GPR107: variants seen among roughly 807,000 people sequenced by gnomAD.
GPR107 encodes protein GPR107.
GPR107 carries 31 observed loss-of-function variants against 75.5 expected under a neutral mutation model. That is an observed-to-expected ratio of 0.41 (90% CI 0.31 to 0.55). GPR107 has a LOEUF of 0.55. Ranked by LOEUF, GPR107 falls within the 20% of genes least tolerant of loss-of-function variation. GPR107 has a pLI of 0.26. For missense variants in GPR107, 572 were observed against 665.7 expected, an observed-to-expected ratio of 0.86 and a Z score of 1.55; for synonymous variants, 267 against 251.3, an observed-to-expected ratio of 1.06 and a Z score of -0.59.
intron 9 of GPR107, among the ~76,000 whole-genome samples, chr9:130,096,119 G>A (rs527407631): frequency 3.7e-4 from 56 of 152,268 alleles, no homozygotes; most frequent in African/African-American, 1.2e-3. Flanking sequence ...CTGCCCCATC[G>A]TAGATATTCT....
intron 1 of GPR107, among the ~76,000 whole-genome samples, chr9:130,073,967 G>A (rs1830277632): frequency 6.6e-6 from 1 of 152,136 alleles, no homozygotes; most frequent in African/African-American, 2.4e-5. Context: ...ATTTTGGCCA[G>A]GCTGGTCTCG....
intron 6 of GPR107, among the ~76,000 whole-genome samples, chr9:130,084,047 C>CATATATATATATATATATATACAT (rs1830554507): frequency 2.3e-5 from 3 of 130,908 alleles, no homozygotes; most frequent in Non-Finnish European, 4.8e-5. Context: ...AGAGAGCTAA[C>CATATATATATATATATATATACAT]ATATATATAT....
rs1470712600 is a variant in GPR107 at position 130,135,863 on chromosome 9, G to C, written c.*742G>C. On this transcript the variant is annotated 3_prime_UTR_variant, in exon 18 of 18. Transcript: ENST00000347136. ...TGGTTTTCTGACTGAGATGTTGCCT[G>C]ATGGATGGAAAGAAATGTATTTTTA... 6.6e-6 allele frequency: 1 copy of C among 152,248 alleles called. No individual in the cohort carries two copies. The highest frequency in any genetic ancestry group is 1.5e-5 in the Non-Finnish European group (1 of 68,080). 9.4% of individuals were successfully genotyped at this position (152,248 alleles called of 1,614,324 possible).
intron 7 of GPR107, among the ~76,000 whole-genome samples, chr9:130,088,631 G>A (rs899443522): frequency 6.6e-6 from 1 of 152,150 alleles, no homozygotes; most frequent in Non-Finnish European, 1.5e-5. Flanking sequence ...CATTATCTCA[G>A]TTAATCCTCT....
chr9:130,111,461 G>C (rs1831300748), intron 14 of GPR107, among the ~76,000 whole-genome samples: 1 of 152,154 alleles, frequency 6.6e-6, no homozygotes, highest in African/African-American at 2.4e-5. Context: ...GAGCCCAGGA[G>C]ATCAAGGCTA....
intron 13 of GPR107, among the ~76,000 whole-genome samples, chr9:130,105,650 C>G (rs571537338): frequency 6.6e-6 from 1 of 151,874 alleles, no homozygotes; most frequent in African/African-American, 2.4e-5. Flanking sequence ...TAACATGGTG[C>G]AAATGGAGAG....
At chr9:130,087,805 C>CAAAAAAAA (rs35984705) in intron 7 of GPR107, among the ~76,000 whole-genome samples, 24 of 87,624 alleles carry the variant, frequency 2.7e-4, no homozygotes, top group Non-Finnish European at 4.5e-4. Flanking sequence ...GACCCTGTCT[C>CAAAAAAAA]AAAAAAAAAA....
At chr9:130,065,628 G>A (rs1452978849) in intron 1 of GPR107, among the ~76,000 whole-genome samples, 2 of 150,202 alleles carry the variant, frequency 1.3e-5, no homozygotes, top group African/African-American at 2.5e-5. Context: ...TTAGCCCGGC[G>A]TGGTGGCAGG....
rs1831743216 is a variant in GPR107, at chr9:130,128,640, C to T, written c.1441C>T (p.Leu481Phe). Residue 481 changes from leucine to phenylalanine, a missense_variant and splice_region_variant, in exon 17 of 18, where the codon CTC becomes TTC. Coordinates refer to ENST00000347136, the MANE Select transcript of GPR107 (RefSeq NM_020960.5). Reference sequence around the variant, plus strand: ...TTTGGGGTGGTTTTTAAACTTGCAGCTCCTGGATGAAACGGCCACACTGGT... The same window carrying T: ...TTTGGGGTGGTTTTTAAACTTGCAGTTCCTGGATGAAACGGCCACACTGGT... The part of the protein sequence containing the change: ...VPFQWKWLYQ[L>F]LDETATLVFF... 3 of 1,611,292 alleles carry T rather than the reference C, an allele frequency of 1.9e-6. No homozygotes were observed. The highest frequency in any genetic ancestry group is 4.5e-5 in the East Asian group (2 of 44,864).
chr9:130,128,839 G>T (rs1318612789), intron 17 of GPR107, 78 bp downstream of exon 17: 1 of 1,314,812 alleles, frequency 7.6e-7, no homozygotes, highest in South Asian at 1.3e-5. Context: ...AATCGGGTCG[G>T]CTGCTCTCAG....
chr9:130,121,680 G>C (rs1346413075), intron 14 of GPR107, among the ~76,000 whole-genome samples: 1 of 152,174 alleles, frequency 6.6e-6, no homozygotes. Flanking sequence ...CTGCTGAGCT[G>C]TGTTCAGGCC....
At chr9:130,123,535 T>C (rs79620942) in intron 14 of GPR107, among the ~76,000 whole-genome samples, 54 of 128,574 alleles carry the variant, frequency 4.2e-4, no homozygotes, top group Admixed American at 1.0e-3. Flanking sequence ...CTTTTCTTTT[T>C]TTTTTTTTTT....
chr9:130,092,558 A>G (rs949754696), intron 9 of GPR107, among the ~76,000 whole-genome samples, 177 bp downstream of exon 9: 6 of 152,062 alleles, frequency 3.9e-5, no homozygotes, highest in Non-Finnish European at 8.8e-5. Flanking sequence ...AGCCCTTTGC[A>G]TGCCTTGGTG....
rs534213422 is a variant in GPR107 at position 130,089,513 on chromosome 9, C to A, written c.622-1363C>A. Among the ~76,000 whole-genome samples the A allele has an allele frequency of 3.9e-5, 6 of 152,316 alleles. No individual in the cohort carries two copies. In the East Asian group the frequency reaches 5.8e-4, roughly 15 times the overall value. ...TCATGGCGTGGGGATAGTGGTTTAT[C>A]TACCTAAATACAGGAAGGGGACTGT... On this transcript the variant is annotated intron_variant, in intron 7 of 17. Coordinates refer to ENST00000347136, the MANE Select transcript of GPR107 (RefSeq NM_020960.5).
chr9:130,110,173 C>T (rs1415228194), intron 14 of GPR107, among the ~76,000 whole-genome samples: 1 of 152,142 alleles, frequency 6.6e-6, no homozygotes, highest in African/African-American at 2.4e-5. Flanking sequence ...CCACTGGGAC[C>T]ATTTATTCCA....
intron 13 of GPR107, among the ~76,000 whole-genome samples, chr9:130,106,643 G>A (rs1831167712): frequency 7.1e-6 from 1 of 140,698 alleles, no homozygotes; most frequent in African/African-American, 2.7e-5. Context: ...AATAATACTT[G>A]TAAATATCCC....
chr9:130,130,593 T>A (rs1161786423), intron 17 of GPR107, among the ~76,000 whole-genome samples: 2 of 152,150 alleles, frequency 1.3e-5, no homozygotes, highest in Non-Finnish European at 2.9e-5. Flanking sequence ...ATATATCGGC[T>A]GGGTGCAGTG....
chr9:130,105,011 G>A (rs2132616160), intron 13 of GPR107, among the ~76,000 whole-genome samples: 1 of 152,332 alleles, frequency 6.6e-6, no homozygotes, highest in Middle Eastern at 3.4e-3. Context: ...CCTGGAAATG[G>A]CAGTGTTTAG....
intron 4 of GPR107, among the ~76,000 whole-genome samples, chr9:130,078,923 A>G (rs559317620): frequency 6.6e-6 from 1 of 152,338 alleles, no homozygotes; most frequent in East Asian, 1.9e-4. Flanking sequence ...GGCAACTAAC[A>G]GTGCCACTGC....
Sources: gnomAD v4.1 joint callset for allele counts (sites outside exome capture counted in the v4.1 genomes callset) on GRCh38, gnomAD v4.1.1 for gene constraint, MANE v1.5 for transcripts, NCBI Gene and HGNC (gene_info 2026-07-23, HGNC 2026-07-21) for gene names.